Variants in IL4R observed in about 807,000 individuals in gnomAD.
IL4R encodes interleukin 4 receptor.
IL4R carries 17 observed loss-of-function variants against 41.5 expected under a neutral mutation model. The observed-to-expected ratio is 0.41, with a 90% CI of 0.28 to 0.61. The LOEUF (loss-of-function observed/expected upper bound fraction) is 0.61, where lower values mean the gene tolerates loss of function less well. IL4R is among the 20% of genes least tolerant of loss of function. IL4R has a pLI of 0.31. For synonymous variants in IL4R, 402 were observed against 422.9 expected (o/e 0.95, Z 0.61); for missense variants, 974 against 1,043.1 (o/e 0.93, Z 0.91).
At chr16:27,354,134 A>G (rs2085972646) in intron 7 of IL4R, 1 of 152,244 alleles carries the variant, frequency 6.6e-6, no homozygotes, top group Non-Finnish European at 1.5e-5. Context: ...CTTGGAACCT[A>G]CATCCCAGAA....
In IL4R at chr16:27,345,162, T is replaced by C; in HGVS notation, c.361+142T>C. The C allele has an allele frequency of 1.1e-6, 1 of 924,318 alleles. No individual in the cohort carries two copies. Among genetic ancestry groups the C allele is most frequent in the East Asian group, 2.6e-5 (1 of 38,212 alleles). The allele number at this position is 924,318 out of a possible 1,614,324, so 57.3% of individuals were successfully genotyped here. ...TGTATTTTCCCAAATCTGATGGGATTCCTGCCCCTGCCTGGGCCTCAGTCC... is the reference window on the plus strand; with the variant it reads ...TGTATTTTCCCAAATCTGATGGGATCCCTGCCCCTGCCTGGGCCTCAGTCC... On this transcript the variant is annotated intron_variant, in intron 5 of 10. Coordinates refer to ENST00000395762, the MANE Select transcript of IL4R (RefSeq NM_000418.4). This position sits in a 1 kb window ranked among gnomAD's most constrained non-coding sequence, Gnocchi z 4.5.
chr16:27,338,198 G>T (rs926749031), intron 2 of IL4R, among the ~76,000 whole-genome samples: 2 of 150,142 alleles, frequency 1.3e-5, no homozygotes, highest in African/African-American at 4.9e-5. Flanking sequence ...CTCGTGATCC[G>T]CCCACCTCAG....
At chr16:27,327,317 G>GC (rs1423554274) in intron 1 of IL4R, among the ~76,000 whole-genome samples, 1 of 152,064 alleles carries the variant, frequency 6.6e-6, no homozygotes, top group Non-Finnish European at 1.5e-5. Context: ...TCCGCCCCCT[G>GC]CCCCCCTGCC....
intron 7 of IL4R, among the ~76,000 whole-genome samples, chr16:27,354,731 C>T (rs542348890): frequency 2.2e-4 from 34 of 152,336 alleles, no homozygotes; most frequent in African/African-American, 8.2e-4. Context: ...AAAGAAGATT[C>T]TTCAACGTGG....
At chr16:27,357,928 T>A (rs146669655) in intron 8 of IL4R, among the ~76,000 whole-genome samples, 1 of 150,816 alleles carries the variant, frequency 6.6e-6, no homozygotes, top group Non-Finnish European at 1.5e-5. Context: ...GAGTCTCATG[T>A]TGTCCCCCAG....
chr16:27,339,371 G>A (rs2085365390), intron 2 of IL4R, among the ~76,000 whole-genome samples: 1 of 152,018 alleles, frequency 6.6e-6, no homozygotes, highest in African/African-American at 2.4e-5. Context: ...AGCCTATATG[G>A]ACTAAGCTGA....
intron 1 of IL4R, among the ~76,000 whole-genome samples, chr16:27,323,804 T>A (rs1351524211): frequency 1.3e-5 from 2 of 151,982 alleles, no homozygotes; most frequent in Non-Finnish European, 2.9e-5. Flanking sequence ...TACAGGCATG[T>A]GCCACCATGC....
chr16:27,342,143 G>A lies in IL4R; in HGVS notation c.93G>A (p.Glu31=), dbSNP rs751032016. The part of the protein sequence containing the change: ...ASSGNMKVLQ[E]PTCVSDYMSI... ...CAGGGAACATGAAGGTCTTGCAGGA[G>A]CCCACCTGCGTCTCCGACTACATGA... The change falls in exon 4 of 11, where the codon GAG becomes GAA. Residue 31 remains glutamate, a synonymous_variant. Coordinates refer to ENST00000395762, the MANE Select transcript of IL4R (RefSeq NM_000418.4). The A allele has an allele frequency of 1.9e-6, 3 of 1,614,198 alleles. No homozygotes were observed. The South Asian group carries it at 3.3e-5, about 18-fold the overall frequency.
At chr16:27,355,265 C>T (rs185983657) in intron 7 of IL4R, 16 of 266,060 alleles carry the variant, frequency 6.0e-5, no homozygotes, top group African/African-American at 8.9e-5. Flanking sequence ...GGGAGGGTGT[C>T]GGGGAAAACT....
At chr16:27,332,931 A>G (rs1258090195) in intron 2 of IL4R, among the ~76,000 whole-genome samples, 1 of 152,032 alleles carries the variant, frequency 6.6e-6, no homozygotes, top group Non-Finnish European at 1.5e-5. Flanking sequence ...TCCATATGTT[A>G]TTCGGAAGTG....
intron 7 of IL4R, chr16:27,355,054 C>A (rs1165478920): frequency 2.1e-6 from 1 of 465,558 alleles, no homozygotes; most frequent in Admixed American, 2.4e-5. Context: ...CATGGCTAGC[C>A]CTGTGCTAGA....
intron 6 of IL4R, 48 bp downstream of exon 6, chr16:27,346,666 G>A: frequency 6.2e-7 from 1 of 1,603,020 alleles, no homozygotes; most frequent in Non-Finnish European, 8.5e-7. Flanking sequence ...GGGGAACAGG[G>A]TGGGTGACCA....
intron 3 of IL4R, among the ~76,000 whole-genome samples, chr16:27,340,792 G>C (rs137897572): frequency 1.5e-3 from 231 of 152,286 alleles, no homozygotes; most frequent in South Asian, 5.4e-3. Flanking sequence ...TGGGTGGAGT[G>C]GGGGGGATTG....
chr16:27,339,971 C>T (rs188470261), intron 2 of IL4R, among the ~76,000 whole-genome samples: 65 of 152,260 alleles, frequency 4.3e-4, no homozygotes, highest in African/African-American at 1.5e-3. Flanking sequence ...GCAGAAGAAT[C>T]GCTTGAACCC....
At chr16:27,337,844 G>A (rs938043312) in intron 2 of IL4R, among the ~76,000 whole-genome samples, 6 of 151,124 alleles carry the variant, frequency 4.0e-5, no homozygotes, top group Non-Finnish European at 7.4e-5. Context: ...GAGCCACCAC[G>A]CCCGGCCCCA....
At chr16:27,359,984 G>A (rs574562000) in intron 9 of IL4R, among the ~76,000 whole-genome samples, 611 of 151,812 alleles carry the variant, frequency 4.0e-3, no homozygotes, top group Non-Finnish European at 5.6e-3. Flanking sequence ...ACCCGTCCCC[G>A]TAGCCTCCCT....
intron 1 of IL4R, among the ~76,000 whole-genome samples, chr16:27,319,268 C>T (rs1385576781): frequency 2.0e-5 from 3 of 152,196 alleles, no homozygotes; most frequent in African/African-American, 7.2e-5. Context: ...CCTGCATTGT[C>T]TCATTTAACT....
intron 3 of IL4R, among the ~76,000 whole-genome samples, chr16:27,340,886 C>G (rs1209073481): frequency 3.3e-5 from 5 of 152,162 alleles, no homozygotes; most frequent in African/African-American, 4.8e-5. Context: ...GGGGAAGGCT[C>G]ATTCTTGGCA....
upstream of IL4R, chr16:27,313,824 G>T: frequency 1.3e-6 from 1 of 774,762 alleles, no homozygotes; most frequent in Non-Finnish European, 1.6e-6. Flanking sequence ...CGAGGTGGCC[G>T]GGACCCGGGC....
Sources: allele counts gnomAD v4.1 joint callset (sites outside exome capture counted in the v4.1 genomes callset), GRCh38; gene constraint gnomAD v4.1.1; non-coding constraint Gnocchi (gnomAD v3.1); transcripts MANE v1.5; gene names NCBI Gene and HGNC (gene_info 2026-07-23, HGNC 2026-07-21).